The following IQCM variants were observed in gnomAD, a reference collection of about 807,000 sequenced individuals.
IQCM encodes IQ motif containing M.
A neutral mutation model predicts 57.6 loss-of-function variants in IQCM; 45 were observed. That is an observed-to-expected ratio of 0.78 (90% CI 0.62 to 1.00). The LOEUF (loss-of-function observed/expected upper bound fraction) is 1.00, where lower values mean the gene tolerates loss of function less well. Ranked by LOEUF, IQCM falls within the 50% of genes least tolerant of loss-of-function variation. IQCM has a pLI of 0.00. For missense variants in IQCM, 468 were observed against 511.6 expected (o/e 0.91, Z 0.82); for synonymous variants, 148 against 158.9 (o/e 0.93, Z 0.51).
chr4:149,424,660 A>G (rs1020214658), intron 13 of IQCM, among the ~76,000 whole-genome samples: 1 of 151,808 alleles, frequency 6.6e-6, no homozygotes, highest in Admixed American at 6.6e-5. Flanking sequence ...TTTCATTAAA[A>G]TTTATTTTTC....
At position 149,368,842 on chromosome 4, in the gene IQCM, A is replaced by G. The variant is rs13128023; in HGVS notation, c.1391-16776T>C. On this transcript the variant is annotated intron_variant, in intron 13 of 13. Coordinates refer to ENST00000636793, the MANE Select transcript of IQCM (RefSeq NM_001363507.2). ...TACATATATATACATGTATATATAT[A>G]CATATATATACATGTATATATATAC... 1.5e-4 allele frequency among the ~76,000 whole-genome samples: 12 copies of G among 79,496 alleles called. 1 individual carries two copies. Among genetic ancestry groups the G allele is most frequent in the African/African-American group, 3.6e-4 (7 of 19,504 alleles). The allele number at this position is 79,496 out of a possible 152,430, so 52.2% of individuals were successfully genotyped here. A position where few individuals can be genotyped will look rare whatever the true frequency, so the allele number is the denominator to read the frequency against.
At chr4:149,778,315 G>A (rs955419483) in intron 2 of IQCM, among the ~76,000 whole-genome samples, 2 of 152,236 alleles carry the variant, frequency 1.3e-5, no homozygotes, top group African/African-American at 4.8e-5. Flanking sequence ...GGCGGAGGTT[G>A]CAGTGAGCGG....
intron 2 of IQCM, among the ~76,000 whole-genome samples, chr4:149,751,795 A>T (rs1403832707): frequency 6.6e-6 from 1 of 152,106 alleles, no homozygotes; most frequent in African/African-American, 2.4e-5. Flanking sequence ...CAAGAGAGAG[A>T]ATGAGTTCTC....
chr4:149,493,300 A>G (rs1479474667), intron 12 of IQCM, among the ~76,000 whole-genome samples: 7 of 152,096 alleles, frequency 4.6e-5, no homozygotes, highest in Non-Finnish European at 1.0e-4. Flanking sequence ...TCTTACAACA[A>G]AAACTTAAAT....
intron 2 of IQCM, among the ~76,000 whole-genome samples, chr4:149,782,759 T>C (rs553962444): frequency 2.0e-5 from 3 of 151,712 alleles, no homozygotes; most frequent in South Asian, 2.1e-4. Flanking sequence ...AAGCAAGGAA[T>C]AGAATAGACT....
intron 12 of IQCM, among the ~76,000 whole-genome samples, chr4:149,451,816 T>C (rs1737152633): frequency 6.6e-6 from 1 of 151,742 alleles, no homozygotes; most frequent in Non-Finnish European, 1.5e-5. Context: ...TGTTTTCCTC[T>C]CAAATTCAGT....
At chr4:149,389,465 C>T (rs536266993) in intron 13 of IQCM, among the ~76,000 whole-genome samples, 4 of 151,716 alleles carry the variant, frequency 2.6e-5, no homozygotes, top group South Asian at 4.2e-4. Context: ...ACCCAAATGT[C>T]CAACAATGAT....
chr4:149,609,310 T>G (rs1384728146), intron 8 of IQCM, among the ~76,000 whole-genome samples: 1 of 151,886 alleles, frequency 6.6e-6, no homozygotes, highest in East Asian at 1.9e-4. Flanking sequence ...CTACCAAACA[T>G]TTAAAGAACA....
chr4:149,520,075 G>C (rs1480423312), intron 12 of IQCM, among the ~76,000 whole-genome samples: 3 of 152,108 alleles, frequency 2.0e-5, no homozygotes, highest in Non-Finnish European at 4.4e-5. Context: ...AGTACAATCG[G>C]TTAAGAATGC....
At chr4:149,536,874 G>T (rs1281848250) in intron 12 of IQCM, among the ~76,000 whole-genome samples, 1 of 151,930 alleles carries the variant, frequency 6.6e-6, no homozygotes, top group African/African-American at 2.4e-5. Context: ...ATGGGTGAAA[G>T]CAATAAAGAA....
chr4:149,767,831 C>A (rs1224602276), intron 2 of IQCM, among the ~76,000 whole-genome samples: 3 of 151,854 alleles, frequency 2.0e-5, no homozygotes, highest in Non-Finnish European at 4.4e-5. Flanking sequence ...GTAAATATTT[C>A]CTGAAAAATA....
rs138595512 is a variant in IQCM, at chr4:149,803,283, T to C, written c.-49+12028A>G. On this transcript the variant is annotated intron_variant, in intron 2 of 13. Transcript: ENST00000636793. ...TGCCATCATAAGGACAATTCCCATGTAATATATTATATAATGGGAAATTTA... is the reference window on the plus strand; with the variant it reads ...TGCCATCATAAGGACAATTCCCATGCAATATATTATATAATGGGAAATTTA... Among the ~76,000 whole-genome samples the C allele has an allele frequency of 4.3e-3, 651 of 152,178 alleles. 6 individuals are homozygous for C. The highest frequency in any genetic ancestry group is 0.015 in the African/African-American group (618 of 41,570).
At chr4:149,452,321 T>C (rs1015455262) in intron 12 of IQCM, among the ~76,000 whole-genome samples, 1 of 151,512 alleles carries the variant, frequency 6.6e-6, no homozygotes, top group Non-Finnish European at 1.5e-5. Context: ...AACACAATTA[T>C]TTGTAGAAAT....
intron 12 of IQCM, among the ~76,000 whole-genome samples, chr4:149,478,801 C>T (rs1740479591): frequency 6.6e-6 from 1 of 152,024 alleles, no homozygotes; most frequent in African/African-American, 2.4e-5. Flanking sequence ...TCCTTACAGC[C>T]AAATCAGTTA....
intron 7 of IQCM, among the ~76,000 whole-genome samples, chr4:149,629,836 C>T (rs1757105145): frequency 6.6e-6 from 1 of 152,100 alleles, no homozygotes; most frequent in Admixed American, 6.5e-5. Context: ...GACTAAATTG[C>T]ACTCATTTTT....
chr4:149,756,131 T>C (rs1420391513), intron 2 of IQCM, among the ~76,000 whole-genome samples: 3 of 152,240 alleles, frequency 2.0e-5, no homozygotes, highest in Non-Finnish European at 4.4e-5. Flanking sequence ...TCTTAGCTTA[T>C]ATATTCACTC....
rs181852655 is a variant in IQCM at position 149,439,389 on chromosome 4, T to A, written c.1229-5832A>T. On this transcript the variant is annotated intron_variant, in intron 12 of 13. Coordinates refer to ENST00000636793, the MANE Select transcript of IQCM (RefSeq NM_001363507.2). ...TATTTGATATAGGAAGCTAAAAGAC[T>A]TTTTCCTTTCCCTGTCTTCAAGGGC... Among the ~76,000 whole-genome samples the A allele has an allele frequency of 2.0e-3, 308 of 152,152 alleles. 2 individuals carry two copies. The highest frequency in any genetic ancestry group is 4.1e-3 in the East Asian group (21 of 5,160).
chr4:149,777,658 A>T (rs77172310), intron 2 of IQCM, among the ~76,000 whole-genome samples: 3,390 of 152,302 alleles, frequency 0.022, 64 homozygotes, highest in South Asian at 0.035. Flanking sequence ...AATAAAGGAA[A>T]TACCAACTTC....
chr4:149,731,173 T>C (rs1561209779), intron 5 of IQCM, among the ~76,000 whole-genome samples: 1 of 152,288 alleles, frequency 6.6e-6, no homozygotes, highest in East Asian at 1.9e-4. Flanking sequence ...TAAGATCCAA[T>C]GTGATAGTAT....
Sources: allele counts gnomAD v4.1 joint callset (sites outside exome capture counted in the v4.1 genomes callset), GRCh38; gene constraint gnomAD v4.1.1; transcripts MANE v1.5; gene names NCBI Gene and HGNC (gene_info 2026-07-23, HGNC 2026-07-21).